PREX2: variants seen among roughly 807,000 people sequenced by gnomAD.
PREX2 encodes phosphatidylinositol 3,4,5-trisphosphate-dependent Rac exchanger 2 protein.
PREX2 carries 107 observed loss-of-function variants against 203.2 expected under a neutral mutation model. The observed-to-expected ratio is 0.53, with a 90% CI of 0.45 to 0.62. The LOEUF is 0.62. Ranked by LOEUF, PREX2 falls within the 20% of genes least tolerant of loss-of-function variation. The pLI is 0.00. For missense variants in PREX2, 1,777 were observed against 1,955.9 expected, an observed-to-expected ratio of 0.91 and a Z score of 1.72; for synonymous variants, 672 against 663.6, an observed-to-expected ratio of 1.01 and a Z score of -0.19.
At position 68,192,273 on chromosome 8, in the gene PREX2, A is replaced by G. The variant is rs7826819; in HGVS notation, c.4414-62A>G. The G allele has an allele frequency of 5.8e-3, 7,690 of 1,323,200 alleles. 365 individuals are homozygous for G. The African/African-American group carries it at 0.099, about 17-fold the overall frequency. 82.0% of individuals were successfully genotyped at this position (1,323,200 alleles called of 1,614,324 possible). On this transcript the variant is annotated intron_variant, in intron 36 of 39. Coordinates refer to ENST00000288368, the MANE Select transcript of PREX2 (RefSeq NM_024870.4). ...AGACTATTCTTTAACAGCTATACCA[A>G]CCTATCTAAAAGAATTTTACTAAAC...
intron 14 of PREX2, among the ~76,000 whole-genome samples, chr8:68,076,716 CACACACACAT>C (rs1455896459): frequency 1.5e-5 from 2 of 136,466 alleles, no homozygotes; most frequent in Non-Finnish European, 3.2e-5. Context: ...CACACACACA[CACACACACAT>C]GCATGTTCAT....
chr8:68,174,375 C>G (rs76829414), intron 35 of PREX2, among the ~76,000 whole-genome samples: 2,209 of 152,206 alleles, frequency 0.015, 56 homozygotes, highest in African/African-American at 0.051. Flanking sequence ...CTACCTCCCC[C>G]CAACACCAAA....
At chr8:68,187,694 G>A (rs1306804061) in intron 35 of PREX2, among the ~76,000 whole-genome samples, 1 of 152,104 alleles carries the variant, frequency 6.6e-6, no homozygotes, top group Non-Finnish European at 1.5e-5. Context: ...TCTGATCGAG[G>A]TACTTCTGTG....
Position 67,952,502 on chromosome 8 carries a change from G to A in PREX2, c.108G>A (p.Arg36=). 6.2e-7 allele frequency: 1 copy of A among 1,610,318 alleles called. No homozygotes were observed. The highest frequency in any genetic ancestry group is 8.5e-7 in the Non-Finnish European group (1 of 1,178,408). ...TCAGCGAGCTCCAGAAGACCGAGCGGGACTATGTGGGCACGCTGGAGTTCC... is the reference window on the plus strand; with the variant it reads ...TCAGCGAGCTCCAGAAGACCGAGCGAGACTATGTGGGCACGCTGGAGTTCC... ...CVLSELQKTE[R]DYVGTLEFLV... The change falls in exon 1 of 40, where the codon CGG becomes CGA. Residue 36 remains arginine, a synonymous_variant. Transcript: ENST00000288368.
intron 6 of PREX2, among the ~76,000 whole-genome samples, chr8:68,036,620 A>T (rs1808040871): frequency 1.3e-5 from 2 of 152,146 alleles, no homozygotes; most frequent in African/African-American, 4.8e-5. Flanking sequence ...CCAAATCTTC[A>T]TTTGTATATC....
At chr8:68,198,737 A>C (rs990407604) in intron 37 of PREX2, among the ~76,000 whole-genome samples, 2 of 152,228 alleles carry the variant, frequency 1.3e-5, no homozygotes, top group African/African-American at 4.8e-5. Context: ...GTCTACCTGA[A>C]AGAATAAAGG....
chr8:68,060,762 A>G lies in PREX2; in HGVS notation c.1322A>G (p.Asn441Ser). 2.5e-6 allele frequency: 4 copies of G among 1,606,628 alleles called. No homozygotes were observed. Among genetic ancestry groups the G allele is most frequent in the Non-Finnish European group, 3.4e-6 (4 of 1,175,298 alleles). ...CACTTGGGACAAGCATTATTAGAAA[A>G]TGGAATCATTCACCATGGTAATTAC... ...GVHLGQALLE[N>S]GIIHHVTDKH... Residue 441 changes from asparagine to serine, a missense_variant, in exon 11 of 40, where the codon AAT (asparagine) becomes AGT (serine). Coordinates refer to ENST00000288368, the MANE Select transcript of PREX2 (RefSeq NM_024870.4).
At chr8:67,978,125 A>C (rs933200331) in intron 1 of PREX2, among the ~76,000 whole-genome samples, 2 of 152,108 alleles carry the variant, frequency 1.3e-5, no homozygotes, top group African/African-American at 4.8e-5. Flanking sequence ...CAACCTGTGG[A>C]ATCTGACGCT....
intron 38 of PREX2, among the ~76,000 whole-genome samples, chr8:68,222,550 G>A (rs1008042908): frequency 6.6e-6 from 1 of 151,814 alleles, no homozygotes; most frequent in Non-Finnish European, 1.5e-5. Flanking sequence ...GGGGAGAAGA[G>A]ATTACTCTTT....
intron 35 of PREX2, among the ~76,000 whole-genome samples, chr8:68,162,471 A>G (rs1409590992): frequency 3.3e-5 from 5 of 152,132 alleles, no homozygotes; most frequent in Non-Finnish European, 7.4e-5. Context: ...TTAATTTAAC[A>G]TAACACAATC....
chr8:68,146,373 T>C (rs759604721), intron 34 of PREX2, 21 bp downstream of exon 34: 10 of 1,591,526 alleles, frequency 6.3e-6, no homozygotes, highest in Non-Finnish European at 8.6e-6. Context: ...TCTCTTTTGA[T>C]GGCTGCTATA....
Position 68,053,130 on chromosome 8 carries a change from A to G in PREX2, c.977A>G (p.Asn326Ser), listed in dbSNP as rs1355210676. The G allele has an allele frequency of 6.2e-7, 1 of 1,613,500 alleles. No homozygotes were observed. Among genetic ancestry groups the G allele is most frequent in the South Asian group, 1.1e-5 (1 of 91,040 alleles). The change falls in exon 9 of 40, where the codon AAT (asparagine) becomes AGT (serine). Residue 326 changes from asparagine (N) to serine (S), a missense_variant. Coordinates refer to ENST00000288368, the MANE Select transcript of PREX2 (RefSeq NM_024870.4). ...DFHSSGHIVV[N>S]GWKIHNTAKN... is the part of the protein sequence containing the mutation. ...CATAGCAGTGGACACATTGTTGTTA[A>G]TGGATGGAAGATACATAACACAGCA...
At chr8:68,212,358 C>A (rs373206242) in intron 37 of PREX2, among the ~76,000 whole-genome samples, 47 of 152,230 alleles carry the variant, frequency 3.1e-4, no homozygotes, top group African/African-American at 1.1e-3. Flanking sequence ...TTTTCTTTGT[C>A]CTCTCACTAA....
chr8:68,060,334 A>G (rs1808810422), intron 10 of PREX2, among the ~76,000 whole-genome samples: 1 of 152,152 alleles, frequency 6.6e-6, no homozygotes, highest in Non-Finnish European at 1.5e-5. Context: ...ATCTGTTGCA[A>G]TCCTTTAGTC....
At chr8:68,087,527 G>A (rs1049197596) in intron 18 of PREX2, among the ~76,000 whole-genome samples, 197 bp from the exon 19 acceptor site, 16 of 152,142 alleles carry the variant, frequency 1.1e-4, no homozygotes, top group African/African-American at 2.4e-5. Context: ...ACTGTGTAAC[G>A]ACTGTGTTCA....
At chr8:67,980,732 T>C (rs1748099726) in intron 1 of PREX2, among the ~76,000 whole-genome samples, 1 of 152,212 alleles carries the variant, frequency 6.6e-6, no homozygotes, top group Non-Finnish European at 1.5e-5. Context: ...TCACTAGATC[T>C]GATGGTTTAT....
chr8:68,178,773 C>A (rs896270094), intron 35 of PREX2, among the ~76,000 whole-genome samples: 2 of 152,004 alleles, frequency 1.3e-5, no homozygotes, highest in African/African-American at 4.8e-5. Flanking sequence ...TAATAACGCT[C>A]TTGGTAGAAG....
intron 15 of PREX2, among the ~76,000 whole-genome samples, chr8:68,079,652 A>G (rs1254703989): frequency 6.5e-5 from 7 of 107,528 alleles, no homozygotes; most frequent in African/African-American, 2.4e-4. Flanking sequence ...AGAAATAGAT[A>G]ACTTTTTTTT....
At chr8:68,029,687 T>A (rs879800289) in intron 5 of PREX2, among the ~76,000 whole-genome samples, 56 of 152,276 alleles carry the variant, frequency 3.7e-4, no homozygotes, top group Non-Finnish European at 6.3e-4. Context: ...AGGAAACACA[T>A]GACTAATTAA....
Sources: allele counts gnomAD v4.1 joint callset (sites outside exome capture counted in the v4.1 genomes callset), GRCh38; gene constraint gnomAD v4.1.1; transcripts MANE v1.5; gene names NCBI Gene and HGNC (gene_info 2026-07-23, HGNC 2026-07-21).